The following VWC2L variants were observed in gnomAD, a reference collection of about 807,000 sequenced individuals.
The protein encoded by VWC2L is von Willebrand factor C domain-containing protein 2-like.
In VWC2L, 10 loss-of-function variants were observed where a neutral mutation model predicts 21.6. The ratio of observed to expected loss-of-function variants is 0.46; its 90% CI spans 0.29 to 0.78. VWC2L has a LOEUF of 0.78. VWC2L is among the 30% of genes least tolerant of loss of function. VWC2L has a pLI of 0.10. For missense variants in VWC2L, 209 were observed against 277.1 expected (o/e 0.75, Z 1.74); for synonymous variants, 96 against 94.3 (o/e 1.02, Z -0.10).
At chr2:214,450,030 T>C (rs1209696008) in intron 3 of VWC2L, among the ~76,000 whole-genome samples, 2 of 152,190 alleles carry the variant, frequency 1.3e-5, no homozygotes, top group South Asian at 2.1e-4. Flanking sequence ...GCTCCAACTT[T>C]CTGTGTTAGG....
intron 3 of VWC2L, among the ~76,000 whole-genome samples, chr2:214,441,242 G>A (rs1031045259): frequency 1.3e-5 from 2 of 151,984 alleles, no homozygotes; most frequent in African/African-American, 4.8e-5. Context: ...CCTTCTAAAG[G>A]TCCTTGGGAG....
intron 3 of VWC2L, among the ~76,000 whole-genome samples, chr2:214,564,662 C>T (rs1690034699): frequency 6.6e-6 from 1 of 152,056 alleles, no homozygotes; most frequent in Non-Finnish European, 1.5e-5. Flanking sequence ...TAAGATGTGC[C>T]TGGTTGCCAA....
At chr2:214,525,140 A>G (rs994649608) in intron 3 of VWC2L, 1 of 151,712 alleles carries the variant, frequency 6.6e-6, no homozygotes, top group African/African-American at 2.4e-5. Flanking sequence ...TAACTGAAAA[A>G]CTATTTCATC....
chr2:214,533,264 T>C (rs972868868), intron 3 of VWC2L, among the ~76,000 whole-genome samples: 6 of 152,146 alleles, frequency 3.9e-5, no homozygotes, highest in Admixed American at 1.3e-4. Flanking sequence ...TTTATATGTA[T>C]GCAGATGTAT....
intron 3 of VWC2L, among the ~76,000 whole-genome samples, chr2:214,529,622 G>A (rs1458471093): frequency 6.6e-6 from 1 of 152,092 alleles, no homozygotes; most frequent in Non-Finnish European, 1.5e-5. Context: ...TTGTATCAAA[G>A]CCATTCCCAG....
At position 214,578,233 on chromosome 2, in the gene VWC2L, G is replaced by A. The variant is rs546567841; in HGVS notation, c.*2413G>A. On this transcript the variant is annotated 3_prime_UTR_variant, in exon 4 of 4. Transcript: ENST00000312504. Reference sequence around the variant, plus strand: ...TTATCTATTATTAAGGAGTTACTATGTCCTTTTTTAGAAAACAGAAAGAGA... The same window carrying A: ...TTATCTATTATTAAGGAGTTACTATATCCTTTTTTAGAAAACAGAAAGAGA... 5.9e-5 allele frequency: 9 copies of A among 152,162 alleles called. No homozygotes were observed. The highest frequency in any genetic ancestry group is 1.3e-4 in the Non-Finnish European group (9 of 68,030). The allele number at this position is 152,162 out of a possible 1,614,324, so 9.4% of individuals were successfully genotyped here.
chr2:214,484,323 T>C (rs1688647184), intron 3 of VWC2L, among the ~76,000 whole-genome samples: 1 of 152,208 alleles, frequency 6.6e-6, no homozygotes, highest in Admixed American at 6.5e-5. Context: ...CTAGTCTGAA[T>C]TCTTTCCCAA....
chr2:214,487,599 CTA>C (rs1170326088), intron 3 of VWC2L, among the ~76,000 whole-genome samples: 2 of 152,112 alleles, frequency 1.3e-5, no homozygotes, highest in African/African-American at 2.4e-5. Flanking sequence ...TGCACCTGAG[CTA>C]TGTTTTTAAG....
intron 3 of VWC2L, among the ~76,000 whole-genome samples, chr2:214,469,227 T>A (rs918843462): frequency 6.6e-6 from 1 of 152,216 alleles, no homozygotes; most frequent in African/African-American, 2.4e-5. Flanking sequence ...TTATCTCCAA[T>A]GTAATCCATG....
chr2:214,492,809 T>C (rs1383280607), intron 3 of VWC2L, among the ~76,000 whole-genome samples: 1 of 152,160 alleles, frequency 6.6e-6, no homozygotes, highest in East Asian at 1.9e-4. Context: ...AAACCCCACA[T>C]GTCAGAGGCT....
intron 3 of VWC2L, among the ~76,000 whole-genome samples, chr2:214,453,132 C>A (rs1285965288): frequency 6.6e-6 from 1 of 152,166 alleles, no homozygotes; most frequent in African/African-American, 2.4e-5. Context: ...ACCAAGAAAT[C>A]TTGACCTAAC....
At chr2:214,480,094 T>C (rs2126196553) in intron 3 of VWC2L, among the ~76,000 whole-genome samples, 1 of 152,310 alleles carries the variant, frequency 6.6e-6, no homozygotes, top group African/African-American at 2.4e-5. Flanking sequence ...TATGGGAGGA[T>C]GTGAGTAGGC....
At chr2:214,510,407 G>A (rs4673847) in intron 3 of VWC2L, among the ~76,000 whole-genome samples, 119,686 of 152,076 alleles carry the variant, frequency 0.79, 48,793 homozygotes, top group East Asian at 0.99. Context: ...GTTCTAGACA[G>A]TCTCCTAAGA....
intron 3 of VWC2L, among the ~76,000 whole-genome samples, chr2:214,538,982 T>C (rs999231242): frequency 6.6e-6 from 1 of 152,164 alleles, no homozygotes; most frequent in African/African-American, 2.4e-5. Flanking sequence ...TGAGCACTTT[T>C]AAATTGCATC....
chr2:214,427,743 G>A (rs143729769), intron 2 of VWC2L, among the ~76,000 whole-genome samples: 1,794 of 152,156 alleles, frequency 0.012, 39 homozygotes, highest in African/African-American at 0.04. Flanking sequence ...ATTAGTATTC[G>A]CATATAGCCT....
intron 3 of VWC2L, among the ~76,000 whole-genome samples, chr2:214,443,220 A>G (rs1443897833): frequency 6.6e-6 from 1 of 152,016 alleles, no homozygotes; most frequent in Non-Finnish European, 1.5e-5. Context: ...AGCTACAACA[A>G]CAAAAAAAGC....
chr2:214,505,416 T>G (rs4273218), intron 3 of VWC2L, among the ~76,000 whole-genome samples: 52,397 of 151,828 alleles, frequency 0.35, 10,493 homozygotes, highest in South Asian at 0.47. Context: ...CAGTTTTGGG[T>G]TTTTTTTAAT....
At chr2:214,562,164 C>A (rs11683678) in intron 3 of VWC2L, among the ~76,000 whole-genome samples, 6,832 of 151,790 alleles carry the variant, frequency 0.045, 533 homozygotes, top group African/African-American at 0.16. Context: ...ACTACACCCC[C>A]CAACAGGCCC....
intron 3 of VWC2L, among the ~76,000 whole-genome samples, chr2:214,511,952 A>T (rs1689063234): frequency 7.2e-6 from 1 of 138,286 alleles, no homozygotes; most frequent in East Asian, 2.2e-4. Context: ...ACACACACAC[A>T]CCTGGTCATG....
Sources: gnomAD v4.1 joint callset for allele counts (sites outside exome capture counted in the v4.1 genomes callset) on GRCh38, gnomAD v4.1.1 for gene constraint, MANE v1.5 for transcripts, NCBI Gene and HGNC (gene_info 2026-07-23, HGNC 2026-07-21) for gene names.